Variants in EFCAB6 observed in about 807,000 individuals in gnomAD.
EFCAB6 encodes EF-hand calcium-binding domain-containing protein 6.
A neutral mutation model predicts 169.8 loss-of-function variants in EFCAB6; 156 were observed. The ratio of observed to expected loss-of-function variants is 0.92; its 90% CI spans 0.81 to 1.05. The LOEUF (loss-of-function observed/expected upper bound fraction) is 1.05. Among genes scored for constraint, EFCAB6 ranks in the 50% least tolerant of loss-of-function variants. The pLI is 0.00. For synonymous variants in EFCAB6, 698 were observed against 676.4 expected (o/e 1.03, Z -0.50); for missense variants, 1,800 against 1,829.1 (o/e 0.98, Z 0.29).
At chr22:43,778,536 C>T (rs896778395) in intron 3 of EFCAB6, among the ~76,000 whole-genome samples, 7 of 152,140 alleles carry the variant, frequency 4.6e-5, no homozygotes, top group Non-Finnish European at 1.0e-4. Context: ...AAAGCCACAG[C>T]AGAGCTGGAC....
intron 27 of EFCAB6, among the ~76,000 whole-genome samples, chr22:43,543,819 C>T (rs1356712297): frequency 6.6e-6 from 1 of 152,156 alleles, no homozygotes. Flanking sequence ...CTGATGTGAG[C>T]CGAGGGTGGC....
rs149635549 is a variant in EFCAB6 at position 43,543,513 on chromosome 22, C to T, written c.3649-3156G>A. On this transcript the variant is annotated intron_variant, in intron 27 of 31. Transcript: ENST00000262726. The stretch of plus-strand genomic sequence containing the variant: ...TCTGCCTCTAGGACAGGGGTAAGAA[C>T]CCCTCCTTCCTCCACTGGGAACCTC... Among the ~76,000 whole-genome samples, 48 of 152,314 alleles carry T rather than the reference C, an allele frequency of 3.2e-4. No individual in the cohort carries two copies. The East Asian group carries it at 7.9e-3, about 25-fold the overall frequency.
intron 6 of EFCAB6, among the ~76,000 whole-genome samples, chr22:43,745,322 G>C (rs1425340956): frequency 1.3e-5 from 2 of 152,196 alleles, no homozygotes; most frequent in Non-Finnish European, 2.9e-5. Flanking sequence ...AATCCCTCTG[G>C]AGGCCTGGCA....
chr22:43,634,534 T>A (rs902317272), intron 18 of EFCAB6, among the ~76,000 whole-genome samples: 18 of 152,158 alleles, frequency 1.2e-4, no homozygotes, highest in Non-Finnish European at 2.5e-4. Flanking sequence ...CATTGAGATA[T>A]CTGTGTGATT....
Position 43,749,330 on chromosome 22 carries a change from C to T in EFCAB6, c.507+6436G>A, listed in dbSNP as rs118072032. Among the ~76,000 whole-genome samples, 62 of 152,186 alleles carry T rather than the reference C, an allele frequency of 4.1e-4. 2 individuals are homozygous for T. Among genetic ancestry groups the T allele is most frequent in the Middle Eastern group, 6.8e-3 (2 of 294 alleles). Reference sequence around the variant, plus strand: ...CTGGGGCCTCAGAAGGAGATATAAACGTGGGCACCCTCAGCATATAGCCCT... The same window carrying T: ...CTGGGGCCTCAGAAGGAGATATAAATGTGGGCACCCTCAGCATATAGCCCT... On this transcript the variant is annotated intron_variant, in intron 6 of 31. Coordinates refer to ENST00000262726, the MANE Select transcript of EFCAB6 (RefSeq NM_022785.4).
intron 30 of EFCAB6, chr22:43,532,015 C>G (rs2047098707): frequency 6.6e-6 from 1 of 152,334 alleles, no homozygotes; most frequent in Admixed American, 6.5e-5. Context: ...TCCACACTTA[C>G]ATGGTGGTGG....
At position 43,528,982 on chromosome 22, in the gene EFCAB6, G is replaced by A. The variant is rs1569103244; in HGVS notation, c.4384-7C>T. 1 of 1,569,828 alleles carries A rather than the reference G, an allele frequency of 6.4e-7. No homozygotes were observed. The highest frequency in any genetic ancestry group is 8.7e-7 in the Non-Finnish European group (1 of 1,146,028). On this transcript the variant is annotated splice_polypyrimidine_tract_variant and splice_region_variant and intron_variant, in intron 31 of 31. Coordinates refer to ENST00000262726, the MANE Select transcript of EFCAB6 (RefSeq NM_022785.4). Reference sequence around the variant, plus strand: ...TGCTGTACTGTCTCAGGACCTGGAAGACAGAGAAAAGGGGCCTCTGAGGCT... The same window carrying A: ...TGCTGTACTGTCTCAGGACCTGGAAAACAGAGAAAAGGGGCCTCTGAGGCT...
chr22:43,723,262 C>G (rs1433752123), intron 8 of EFCAB6, among the ~76,000 whole-genome samples: 1 of 152,052 alleles, frequency 6.6e-6, no homozygotes, highest in East Asian at 1.9e-4. Flanking sequence ...AAAATGACAA[C>G]AAAAAGTTGA....
At chr22:43,715,541 A>G (rs1603268403) in intron 9 of EFCAB6, among the ~76,000 whole-genome samples, 1 of 152,192 alleles carries the variant, frequency 6.6e-6, no homozygotes, top group Non-Finnish European at 1.5e-5. Context: ...AATACGTTTT[A>G]TTTTTAAAAA....
At position 43,543,995 on chromosome 22, in the gene EFCAB6, T is replaced by C. The variant is rs112278823; in HGVS notation, c.3649-3638A>G. ...TCTACGTCCACCCACCACTCTGTTT[T>C]ACCCTATCCTTCATCCTGCCCAGCC... On this transcript the variant is annotated intron_variant, in intron 27 of 31. Transcript: ENST00000262726. 3.9e-5 allele frequency among the ~76,000 whole-genome samples: 6 copies of C among 151,964 alleles called. 1 individual carries two copies. Among genetic ancestry groups the C allele is most frequent in the African/African-American group, 9.7e-5 (4 of 41,424 alleles).
rs531530120 is a variant in EFCAB6, at chr22:43,598,255, C to T, written c.2876+1814G>A. Among the ~76,000 whole-genome samples, 137 of 123,068 alleles carry T rather than the reference C, an allele frequency of 1.1e-3. 1 individual carries two copies. The highest frequency in any genetic ancestry group is 3.8e-3 in the African/African-American group (121 of 31,502). The allele number at this position is 123,068 out of a possible 152,430, so 80.7% of individuals were successfully genotyped here. On this transcript the variant is annotated intron_variant, in intron 23 of 31. Coordinates refer to ENST00000262726, the MANE Select transcript of EFCAB6 (RefSeq NM_022785.4). ...CTGGAAAGTTGAGGCTGCAGTGAGC[C>T]GTGATGGAGCCACTGCACTCCAGCC...
In EFCAB6 at chr22:43,565,535, C is replaced by T. The variant is rs1247715591; in HGVS notation, c.3421-10439G>A. 2.6e-5 allele frequency among the ~76,000 whole-genome samples: 4 copies of T among 152,182 alleles called. No individual in the cohort carries two copies. In the East Asian group the frequency reaches 7.7e-4, roughly 29 times the overall value. On this transcript the variant is annotated intron_variant, in intron 26 of 31. Transcript: ENST00000262726. ...CATATTGCAAAGGGGCTTTGTGGCC[C>T]TTGGTGAGTATCCAAGATGGCGGTC... is the stretch of plus-strand genomic sequence containing the variant.
chr22:43,780,990 A>C (rs945114759), intron 3 of EFCAB6, among the ~76,000 whole-genome samples: 3 of 152,116 alleles, frequency 2.0e-5, no homozygotes, highest in Admixed American at 1.3e-4. Flanking sequence ...GGCTCACGCT[A>C]CTTGAATTCT....
intron 18 of EFCAB6, among the ~76,000 whole-genome samples, chr22:43,632,650 T>G (rs1248387479): frequency 6.6e-6 from 1 of 152,254 alleles, no homozygotes; most frequent in Non-Finnish European, 1.5e-5. Context: ...TCCCGAATCC[T>G]GTTAAAATCC....
At chr22:43,649,999 T>G (rs960065589) in intron 17 of EFCAB6, among the ~76,000 whole-genome samples, 1 of 152,198 alleles carries the variant, frequency 6.6e-6, no homozygotes, top group African/African-American at 2.4e-5. Flanking sequence ...TGCCCAACAC[T>G]CTGCCCCTTT....
At chr22:43,642,589 G>A (rs1383419153) in intron 17 of EFCAB6, among the ~76,000 whole-genome samples, 1 of 152,166 alleles carries the variant, frequency 6.6e-6, no homozygotes, top group East Asian at 1.9e-4. Context: ...ATGCAAAGCA[G>A]GTACTAGGGA....
chr22:43,558,027 T>A (rs982399193), intron 26 of EFCAB6, among the ~76,000 whole-genome samples: 1 of 152,230 alleles, frequency 6.6e-6, no homozygotes, highest in African/African-American at 2.4e-5. Flanking sequence ...AATCAAAAAT[T>A]ATCTGTAAAG....
At chr22:43,630,710 C>A (rs886475225) in intron 19 of EFCAB6, among the ~76,000 whole-genome samples, 5 of 152,158 alleles carry the variant, frequency 3.3e-5, no homozygotes, top group African/African-American at 1.2e-4. Context: ...CTGCAGCGGC[C>A]GCTGCCTCCC....
chr22:43,660,246 A>T (rs1225853046), intron 17 of EFCAB6, among the ~76,000 whole-genome samples: 13 of 152,162 alleles, frequency 8.5e-5, no homozygotes. Context: ...GTATTTTGTC[A>T]TGTTATGTTC....
Sources: allele counts gnomAD v4.1 joint callset (sites outside exome capture counted in the v4.1 genomes callset), GRCh38; gene constraint gnomAD v4.1.1; transcripts MANE v1.5; gene names NCBI Gene and HGNC (gene_info 2026-07-23, HGNC 2026-07-21).